FAF1: variants seen among roughly 807,000 people sequenced by gnomAD.
FAF1 encodes the protein FAS-associated factor 1.
Under a neutral mutation model 92.5 loss-of-function variants are expected in FAF1, and 25 were observed. That is an observed-to-expected ratio of 0.27 (90% CI 0.20 to 0.38). The LOEUF (loss-of-function observed/expected upper bound fraction) is 0.38, where lower values mean the gene tolerates loss of function less well. FAF1 is among the 10% of genes least tolerant of loss of function. FAF1 has a pLI of 1.00. For synonymous variants in FAF1, 234 were observed against 273.2 expected (o/e 0.86, Z 1.42); for missense variants, 636 against 793.3 (o/e 0.80, Z 2.38).
intron 2 of FAF1, among the ~76,000 whole-genome samples, chr1:50,845,809 C>G (rs1285615482): frequency 2.0e-5 from 3 of 151,982 alleles, no homozygotes; most frequent in Non-Finnish European, 4.4e-5. Flanking sequence ...AAATTATACT[C>G]AAACTCTTAG....
intron 1 of FAF1, among the ~76,000 whole-genome samples, chr1:50,917,633 GGAAAGGAAAGGA>G (rs1644928606): frequency 6.3e-5 from 2 of 31,532 alleles, no homozygotes; most frequent in East Asian, 0.012. Flanking sequence ...AAAAAGGAAA[GGAAAGGAAAGGA>G]AAGGAAAGGA....
At chr1:50,913,365 C>T (rs1644899544) in intron 1 of FAF1, among the ~76,000 whole-genome samples, 1 of 152,050 alleles carries the variant, frequency 6.6e-6, no homozygotes, top group Admixed American at 6.6e-5. Flanking sequence ...GAAGGTACAC[C>T]AATAAGAAAA....
At chr1:50,475,438 T>C (rs749618360) in intron 18 of FAF1, 26 bp downstream of exon 18, 4 of 1,562,204 alleles carry the variant, frequency 2.6e-6, no homozygotes, top group African/African-American at 1.4e-5. Flanking sequence ...CTGGATATAC[T>C]TCCTGAGATA....
intron 3 of FAF1, among the ~76,000 whole-genome samples, chr1:50,791,062 C>T (rs1351592409): frequency 6.6e-6 from 1 of 152,182 alleles, no homozygotes; most frequent in African/African-American, 2.4e-5. Context: ...TTTCAATCAA[C>T]AGAGCTCAGA....
At chr1:50,666,886 A>AAAC (rs777094786) in intron 7 of FAF1, among the ~76,000 whole-genome samples, 44 of 152,250 alleles carry the variant, frequency 2.9e-4, no homozygotes, top group African/African-American at 7.2e-4. Context: ...CTCCATCTCA[A>AAAC]AACAACAACA....
At chr1:50,660,761 G>C (rs1655337566) in intron 7 of FAF1, among the ~76,000 whole-genome samples, 1 of 152,088 alleles carries the variant, frequency 6.6e-6, no homozygotes, top group Non-Finnish European at 1.5e-5. Context: ...CAAAGTGCTG[G>C]AATTACAGGC....
intron 6 of FAF1, among the ~76,000 whole-genome samples, chr1:50,721,522 A>C (rs1045671437): frequency 6.6e-6 from 1 of 151,962 alleles, no homozygotes; most frequent in African/African-American, 2.4e-5. Flanking sequence ...CGGAAAAAAA[A>C]ATTACAACTG....
At chr1:50,597,858 C>A (rs1651904357) in intron 8 of FAF1, among the ~76,000 whole-genome samples, 1 of 152,134 alleles carries the variant, frequency 6.6e-6, no homozygotes, top group South Asian at 2.1e-4. Flanking sequence ...AGGCACTTAA[C>A]AAATTCTTGT....
intron 8 of FAF1, among the ~76,000 whole-genome samples, chr1:50,621,503 G>T (rs986741681): frequency 6.8e-6 from 1 of 146,444 alleles, no homozygotes; most frequent in Admixed American, 7.0e-5. Context: ...GGGCTCAAGT[G>T]GTTCTCCTGC....
chr1:50,548,663 T>G (rs1160809492), intron 13 of FAF1, among the ~76,000 whole-genome samples: 4 of 152,258 alleles, frequency 2.6e-5, no homozygotes, highest in African/African-American at 4.8e-5. Flanking sequence ...AAGTTTATGA[T>G]TCTAAACTTA....
At chr1:50,591,764 C>G (rs1439023177) in intron 9 of FAF1, among the ~76,000 whole-genome samples, 1 of 151,728 alleles carries the variant, frequency 6.6e-6, no homozygotes, top group African/African-American at 2.4e-5. Context: ...TTCACCTCAT[C>G]TCTTATCTTC....
intron 1 of FAF1, among the ~76,000 whole-genome samples, chr1:50,863,972 T>G (rs1470677241): frequency 6.6e-6 from 1 of 152,046 alleles, no homozygotes. Context: ...TTCTTCTAGA[T>G]TTTCTAGTTT....
chr1:50,916,175 G>C (rs116804106), intron 1 of FAF1, among the ~76,000 whole-genome samples: 1 of 152,302 alleles, frequency 6.6e-6, no homozygotes, highest in African/African-American at 2.4e-5. Flanking sequence ...AGGAGGAAGG[G>C]TAGAATGCAG....
chr1:50,744,820 A>T, intron 4 of FAF1, 45 bp from the exon 5 acceptor site: 1 of 1,184,732 alleles, frequency 8.4e-7, no homozygotes, highest in Non-Finnish European at 1.2e-6. Context: ...AAAATAACAC[A>T]GTTAACATTT....
intron 2 of FAF1, among the ~76,000 whole-genome samples, chr1:50,828,627 A>G (rs1332370798): frequency 6.6e-6 from 1 of 152,212 alleles, no homozygotes; most frequent in Non-Finnish European, 1.5e-5. Flanking sequence ...AAAACAAAAC[A>G]AACTTCAGGC....
At chr1:50,671,451 T>G (rs1353360719) in intron 7 of FAF1, among the ~76,000 whole-genome samples, 1 of 151,988 alleles carries the variant, frequency 6.6e-6, no homozygotes, top group Non-Finnish European at 1.5e-5. Context: ...TGCCACATGA[T>G]GCAACCTAGG....
chr1:50,497,351 C>T (rs1166294262), intron 15 of FAF1, among the ~76,000 whole-genome samples: 1 of 151,782 alleles, frequency 6.6e-6, no homozygotes, highest in Non-Finnish European at 1.5e-5. Flanking sequence ...AGGTAAAATA[C>T]TTTTCAAACA....
intron 2 of FAF1, among the ~76,000 whole-genome samples, chr1:50,838,075 A>G (rs1644225024): frequency 6.6e-6 from 1 of 152,054 alleles, no homozygotes. Context: ...TCCCTTAAAA[A>G]CATAAAGCAC....
chr1:50,936,742 C>T (rs372403257), intron 1 of FAF1, among the ~76,000 whole-genome samples: 5 of 151,924 alleles, frequency 3.3e-5, no homozygotes, highest in Admixed American at 1.3e-4. Flanking sequence ...ACATGGGATG[C>T]GGTAGAGTGG....
Sources: gnomAD v4.1 joint callset for allele counts (sites outside exome capture counted in the v4.1 genomes callset) on GRCh38, gnomAD v4.1.1 for gene constraint, MANE v1.5 for transcripts, NCBI Gene and HGNC (gene_info 2026-07-23, HGNC 2026-07-21) for gene names.